Variants in CNGB3 observed in about 807,000 individuals in gnomAD.
CNGB3 encodes the protein cyclic nucleotide-gated channel beta-3.
In CNGB3, 86 loss-of-function variants were observed where a neutral mutation model predicts 92.8. That is an observed-to-expected ratio of 0.93 (90% confidence interval 0.78 to 1.11). The LOEUF is 1.11. Ranked by LOEUF, CNGB3 falls within the 50% of genes least tolerant of loss-of-function variation. The probability of loss-of-function intolerance (pLI) is 0.00; values close to 1 mark genes in which losing one functional copy is unlikely to be tolerated. For synonymous variants in CNGB3, 333 were observed against 332.7 expected (o/e 1.00, Z -0.01); for missense variants, 1,026 against 956.8 (o/e 1.07, Z -0.95).
At chr8:86,593,467 G>C (rs1365949260) in intron 15 of CNGB3, among the ~76,000 whole-genome samples, 1 of 152,158 alleles carries the variant, frequency 6.6e-6, no homozygotes, top group African/African-American at 2.4e-5. Context: ...AAAGTTTATA[G>C]TTTTAAAGTT....
intron 10 of CNGB3, among the ~76,000 whole-genome samples, chr8:86,642,114 G>A (rs1386160480): frequency 6.6e-6 from 1 of 151,420 alleles, no homozygotes; most frequent in East Asian, 1.9e-4. Flanking sequence ...GCTTAACACT[G>A]GGAACAAGAT....
intron 3 of CNGB3, among the ~76,000 whole-genome samples, chr8:86,706,282 T>A (rs568532787): frequency 7.2e-5 from 11 of 152,342 alleles, no homozygotes; most frequent in Non-Finnish European, 1.5e-4. Flanking sequence ...TCCCCTTAGA[T>A]TAATGTCTGA....
At chr8:86,715,821 G>C (rs1249814414) in intron 3 of CNGB3, among the ~76,000 whole-genome samples, 6 of 117,276 alleles carry the variant, frequency 5.1e-5, no homozygotes, top group Admixed American at 1.1e-4. Context: ...ACTGGGGCCT[G>C]TCGTGGGGTG....
intron 3 of CNGB3, among the ~76,000 whole-genome samples, chr8:86,694,181 C>CTG: frequency 7.1e-6 from 1 of 141,238 alleles, no homozygotes; most frequent in Non-Finnish European, 1.6e-5. Context: ...GGGGCTGACC[C>CTG]CCCCCACCTC....
At chr8:86,676,143 G>A (rs907304786) in intron 3 of CNGB3, among the ~76,000 whole-genome samples, 1 of 152,180 alleles carries the variant, frequency 6.6e-6, no homozygotes, top group African/African-American at 2.4e-5. Flanking sequence ...TGTTTGTTAG[G>A]ACTCTAAGAA....
chr8:86,709,326 T>A (rs183226357), intron 3 of CNGB3, among the ~76,000 whole-genome samples: 17 of 152,328 alleles, frequency 1.1e-4, no homozygotes, highest in Non-Finnish European at 1.9e-4. Flanking sequence ...TTTGTCAACT[T>A]GTCCCCTGGC....
intron 2 of CNGB3, among the ~76,000 whole-genome samples, chr8:86,728,092 T>C (rs1825095002): frequency 6.6e-6 from 1 of 152,206 alleles, no homozygotes. Flanking sequence ...ATCTCCTATC[T>C]ACTTTTATTT....
intron 15 of CNGB3, among the ~76,000 whole-genome samples, chr8:86,591,753 C>G (rs1822043006): frequency 6.6e-6 from 1 of 152,214 alleles, no homozygotes; most frequent in African/African-American, 2.4e-5. Context: ...AGCTGTCAGA[C>G]AGGGACATTT....
At chr8:86,637,789 CA>C (rs1173792030) in intron 10 of CNGB3, among the ~76,000 whole-genome samples, 1 of 152,062 alleles carries the variant, frequency 6.6e-6, no homozygotes, top group African/African-American at 2.4e-5. Context: ...TAAATTTTGA[CA>C]AATGCATATA....
At chr8:86,717,736 T>C (rs564562433) in intron 3 of CNGB3, among the ~76,000 whole-genome samples, 1 of 152,128 alleles carries the variant, frequency 6.6e-6, no homozygotes, top group Non-Finnish European at 1.5e-5. Context: ...ACCTGGAACA[T>C]TCTTCAAGAT....
At position 86,578,727 on chromosome 8, in the gene CNGB3, C is replaced by T; in HGVS notation, c.2065G>A (p.Ala689Thr). ...TCTCGCTTCAATTTGAGTAGTCTTG[C>T]AAGACTTGCTTTTCCTGTGCCTCCT... ...LLGGTGKASL[A>T]RLLKLKREQA... Residue 689 changes from alanine to threonine, a missense_variant, in exon 17 of 18, where the codon GCA becomes ACA. Ala to Thr is a moderately conservative substitution (Grantham distance 58). Coordinates refer to ENST00000320005, the MANE Select transcript of CNGB3 (RefSeq NM_019098.5). The T allele has an allele frequency of 6.2e-7, 1 of 1,614,122 alleles. No individual in the cohort carries two copies. The highest frequency in any genetic ancestry group is 1.1e-5 in the South Asian group (1 of 91,066).
At chr8:86,719,406 C>T (rs534142028) in intron 3 of CNGB3, among the ~76,000 whole-genome samples, 2 of 152,176 alleles carry the variant, frequency 1.3e-5, no homozygotes, top group Admixed American at 6.5e-5. Flanking sequence ...ATCAAGAACT[C>T]GATCCCCTTT....
chr8:86,661,313 G>A (rs1414954587), intron 6 of CNGB3: 1 of 382,654 alleles, frequency 2.6e-6, no homozygotes, highest in Non-Finnish European at 5.3e-6. Context: ...TCATTTACGA[G>A]TTCCACTGAA....
chr8:86,643,930 T>C (rs910381134), intron 9 of CNGB3, 57 bp from the exon 10 acceptor site: 1 of 1,578,344 alleles, frequency 6.3e-7, no homozygotes, highest in Non-Finnish European at 8.6e-7. Flanking sequence ...ATACAGCCTA[T>C]TTTAACATTT....
rs114232407 is a variant in CNGB3 at position 86,730,711 on chromosome 8, G to T, written c.212-4054C>A. Among the ~76,000 whole-genome samples, 767 of 152,242 alleles carry T rather than the reference G, an allele frequency of 5.0e-3. 4 individuals are homozygous for T. Among genetic ancestry groups the T allele is most frequent in the African/African-American group, 0.017 (726 of 41,540 alleles). The stretch of plus-strand genomic sequence containing the variant: ...CACCTGAGGTTGTATTTTTGACTCA[G>T]CTTGTGGCTAATTTCAGAGTTGCTG... On this transcript the variant is annotated intron_variant, in intron 2 of 17. Transcript: ENST00000320005.
intron 2 of CNGB3, among the ~76,000 whole-genome samples, chr8:86,735,141 T>G (rs1825226832): frequency 3.1e-5 from 1 of 32,068 alleles, no homozygotes; most frequent in Non-Finnish European, 5.5e-5. Context: ...TTAAAATGGT[T>G]GCCTTTTTTT....
chr8:86,689,140 T>C (rs2060563658), intron 3 of CNGB3, among the ~76,000 whole-genome samples: 2 of 143,890 alleles, frequency 1.4e-5, no homozygotes, highest in Admixed American at 7.3e-5. Context: ...GAGAAGATTA[T>C]TGATATAATT....
intron 15 of CNGB3, among the ~76,000 whole-genome samples, chr8:86,586,347 T>A (rs147508380): frequency 0.043 from 6,512 of 152,020 alleles, 395 homozygotes; most frequent in African/African-American, 0.14. Context: ...AATTTTTTTT[T>A]AATTATACTT....
intron 2 of CNGB3, among the ~76,000 whole-genome samples, chr8:86,732,003 C>T (rs1027560988): frequency 1.3e-5 from 2 of 152,084 alleles, no homozygotes; most frequent in Non-Finnish European, 2.9e-5. Flanking sequence ...CAGAAAGAAG[C>T]CTAAAAGCAC....
Sources: allele counts gnomAD v4.1 joint callset (sites outside exome capture counted in the v4.1 genomes callset), GRCh38; gene constraint gnomAD v4.1.1; transcripts MANE v1.5; gene names NCBI Gene and HGNC (gene_info 2026-07-23, HGNC 2026-07-21).